Variants in ZNF473 observed in about 807,000 individuals in gnomAD.
ZNF473 encodes the protein zinc finger protein 473, also known as zinc finger protein 100 homolog.
Under a neutral mutation model 11.1 loss-of-function variants are expected in ZNF473, and 4 were observed. The observed-to-expected ratio is 0.36, with a 90% CI of 0.18 to 0.82. The LOEUF is 0.82. Among genes scored for constraint, ZNF473 ranks in the 40% least tolerant of loss-of-function variants. The pLI is 0.49. For missense variants in ZNF473, 854 were observed against 1,084.0 expected (o/e 0.79, Z 2.98); for synonymous variants, 404 against 390.4 (o/e 1.03, Z -0.41).
At position 50,046,952 on chromosome 19, in the gene ZNF473, A is replaced by G; in HGVS notation, c.2509A>G (p.Thr837Ala). ...AHLNQHLRVH[T>A]QETLYQCQRC... ...TCTCAACCAGCACCTGAGAGTTCACACCCAGGAGACACTTTATCAGTGTCA... is the reference window on the plus strand; with the variant it reads ...TCTCAACCAGCACCTGAGAGTTCACGCCCAGGAGACACTTTATCAGTGTCA... Residue 837 changes from threonine (T) to alanine (A), a missense_variant, in exon 5 of 5, where the codon ACC becomes GCC. Physicochemically the swap from Thr to Ala is moderately conservative, Grantham distance 58. This residue lies in a region of ZNF473 where 186 missense variants were observed against 293.8 expected (regional missense o/e 0.63). Coordinates refer to ENST00000270617, the MANE Select transcript of ZNF473 (RefSeq NM_015428.4). The surrounding 1 kb of genome is among the most constrained non-coding windows in gnomAD (Gnocchi z 5.9). 6.2e-7 allele frequency: 1 copy of G among 1,614,192 alleles called. No individual in the cohort carries two copies. Among genetic ancestry groups the G allele is most frequent in the Non-Finnish European group, 8.5e-7 (1 of 1,180,042 alleles).
Position 50,041,790 on chromosome 19 carries a change from C to T in ZNF473, c.197C>T (p.Ala66Val). The change falls in exon 4 of 5, where the codon GCA (alanine) becomes GTA (valine). Residue 66 changes from alanine (A) to valine (V), a missense_variant. Coordinates refer to ENST00000270617, the MANE Select transcript of ZNF473 (RefSeq NM_015428.4). ...GGCAGTGAAGATCTGGAGCCTCTGG[C>T]AGGAGGAAGCCCAGAAGCAACAAGC... Reference protein sequence around the residue: ...PDGSEDLEPLAGGSPEATSPD... With the variant: ...PDGSEDLEPLVGGSPEATSPD... The T allele has an allele frequency of 6.2e-7, 1 of 1,612,928 alleles. No homozygotes were observed. The highest frequency in any genetic ancestry group is 8.5e-7 in the Non-Finnish European group (1 of 1,179,492).
intron 1 of ZNF473, among the ~76,000 whole-genome samples, chr19:50,030,239 G>A (rs1274470230): frequency 6.6e-6 from 1 of 152,190 alleles, no homozygotes; most frequent in Non-Finnish European, 1.5e-5. Context: ...CAGGTGCGGT[G>A]GCTCACAACT....
chr19:50,045,836 G>C lies in ZNF473; in HGVS notation c.1393G>C (p.Val465Leu). ...GYRPHKCQECVRSFSRPSHLM... is the reference protein window; with the variant it reads ...GYRPHKCQECLRSFSRPSHLM... ...CAGACCCCACAAATGTCAGGAATGCGTCAGGAGTTTCAGCCGGCCCTCACA... is the reference window on the plus strand; with the variant it reads ...CAGACCCCACAAATGTCAGGAATGCCTCAGGAGTTTCAGCCGGCCCTCACA... The change falls in exon 5 of 5, where the codon GTC becomes CTC. Residue 465 changes from valine (V) to leucine (L), a missense_variant. Around this residue, in one of 2 missense-constraint regions of ZNF473, gnomAD observed 668 missense variants for 790.2 expected, o/e 0.85. Transcript: ENST00000270617. 6.2e-7 allele frequency: 1 copy of C among 1,614,052 alleles called. No individual in the cohort carries two copies. The highest frequency in any genetic ancestry group is 8.5e-7 in the Non-Finnish European group (1 of 1,179,986).
intron 4 of ZNF473, chr19:50,043,264 G>C (rs1978875928): frequency 2.6e-5 from 4 of 151,488 alleles, no homozygotes; most frequent in Admixed American, 2.0e-4. Flanking sequence ...CTGAAACTCT[G>C]TCTCTACTAA....
In ZNF473 at chr19:50,040,145, G is replaced by A. The variant is rs144285900; in HGVS notation, c.136+858G>A. Among the ~76,000 whole-genome samples the A allele has an allele frequency of 8.5e-5, 13 of 152,270 alleles. No individual in the cohort carries two copies. The East Asian group carries it at 2.5e-3, about 29-fold the overall frequency. ...GGACTCATCCTGTAGTCAGACTCAT[G>A]GCTATGACTTACTACAGTGAAAAGA... On this transcript the variant is annotated intron_variant, in intron 3 of 4. Transcript: ENST00000270617.
rs777117400 is a variant in ZNF473 at position 50,047,095 on chromosome 19, C to G, written c.*36C>G. 4 of 1,535,760 alleles carry G rather than the reference C, an allele frequency of 2.6e-6. No individual in the cohort carries two copies. In the Admixed American group the frequency reaches 5.5e-5, roughly 21 times the overall value. ...GCAGCAGAGTCCCAGAATATGAGAC[C>G]GTTACTCGGATGTTGAAAGTTGGAA... On this transcript the variant is annotated 3_prime_UTR_variant, in exon 5 of 5. Coordinates refer to ENST00000270617, the MANE Select transcript of ZNF473 (RefSeq NM_015428.4).
intron 2 of ZNF473, among the ~76,000 whole-genome samples, chr19:50,034,585 G>T (rs1267824781): frequency 6.6e-6 from 1 of 151,990 alleles, no homozygotes. Flanking sequence ...TGATTTTTAT[G>T]ATTACCACTT....
At chr19:50,027,992 T>C (rs2077296177) in intron 1 of ZNF473, among the ~76,000 whole-genome samples, 1 of 151,890 alleles carries the variant, frequency 6.6e-6, no homozygotes, top group African/African-American at 2.4e-5. Context: ...CCCAGCCGCT[T>C]TTTAAACTTA....
At position 50,046,279 on chromosome 19, in the gene ZNF473, C is replaced by A. The variant is rs546276850; in HGVS notation, c.1836C>A (p.Ile612=). The A allele has an allele frequency of 9.3e-6, 15 of 1,614,042 alleles. No homozygotes were observed. In the South Asian group the frequency reaches 9.9e-5, roughly 11 times the overall value. ...CTCGGCTCATTCACCATCAAAGAAT[C>A]CACTCTAGAGTGAGGCTGTATAAAT... ...QSTRLIHHQR[I]HSRVRLYKWG... is the part of the protein sequence containing the mutation. The change falls in exon 5 of 5, where the codon ATC becomes ATA. Residue 612 remains isoleucine (I), a synonymous_variant. Transcript: ENST00000270617. This position sits in a 1 kb window ranked among gnomAD's most constrained non-coding sequence, Gnocchi z 5.9.
chr19:50,026,075 C>G lies in ZNF473; in HGVS notation c.-239C>G, dbSNP rs1157276365. On this transcript the variant is annotated 5_prime_UTR_variant, in exon 1 of 5. Transcript: ENST00000270617. ...TGCGGGGAGTTGAATCTCCCGCTCC[C>G]TTGAGGCTGGGGTTGCGTCTGTTGA... is the stretch of plus-strand genomic sequence containing the variant. 1 of 152,686 alleles carries G rather than the reference C, an allele frequency of 6.5e-6. No homozygotes were observed. Among genetic ancestry groups the G allele is most frequent in the Non-Finnish European group, 1.5e-5 (1 of 68,074 alleles). The allele number at this position is 152,686 out of a possible 1,614,324, so 9.5% of individuals were successfully genotyped here.
chr19:50,036,058 G>A (rs1008306263), intron 2 of ZNF473, among the ~76,000 whole-genome samples: 1 of 151,810 alleles, frequency 6.6e-6, no homozygotes, highest in African/African-American at 2.4e-5. Flanking sequence ...CTGGGCTCAA[G>A]TGATCCTCCT....
Position 50,045,887 on chromosome 19 carries a change from A to G in ZNF473, c.1444A>G (p.Thr482Ala). The G allele has an allele frequency of 6.2e-7, 1 of 1,614,102 alleles. No homozygotes were observed. Among genetic ancestry groups the G allele is most frequent in the East Asian group, 2.2e-5 (1 of 44,874 alleles). The part of the protein sequence containing the change: ...SHLMRHQAIH[T>A]AEKPYSCAEC... ...TCTGATGCGACATCAGGCCATTCAC[A>G]CCGCAGAAAAGCCCTATAGCTGTGC... The change falls in exon 5 of 5, where the codon ACC (threonine) becomes GCC (alanine). Residue 482 changes from threonine (T) to alanine (A), a missense_variant. Coordinates refer to ENST00000270617, the MANE Select transcript of ZNF473 (RefSeq NM_015428.4).
chr19:50,043,450 T>G (rs7247307), intron 4 of ZNF473: 1 of 77,336 alleles, frequency 1.3e-5, no homozygotes, highest in African/African-American at 4.6e-5. Context: ...AAAAAAAAAA[T>G]ATATATATAT....
chr19:50,028,700 G>A (rs1263315193), intron 1 of ZNF473, among the ~76,000 whole-genome samples: 1 of 152,090 alleles, frequency 6.6e-6, no homozygotes, highest in Non-Finnish European at 1.5e-5. Context: ...ATCCTAGGAT[G>A]TTTCAGAAGT....
Position 50,039,397 on chromosome 19 carries a change from C to A in ZNF473, c.136+110C>A. On this transcript the variant is annotated intron_variant, in intron 3 of 4. Coordinates refer to ENST00000270617, the MANE Select transcript of ZNF473 (RefSeq NM_015428.4). The surrounding 1 kb of genome is among the most constrained non-coding windows in gnomAD (Gnocchi z 4.8). The stretch of plus-strand genomic sequence containing the variant: ...TGGCTCCTGGGCTCCTCAGAATCAG[C>A]ATGACCTAGCCCAGCAGTTCTCAGC... 7.0e-7 allele frequency: 1 copy of A among 1,419,948 alleles called. No individual in the cohort carries two copies. The highest frequency in any genetic ancestry group is 9.6e-7 in the Non-Finnish European group (1 of 1,039,854). The allele number at this position is 1,419,948 out of a possible 1,614,324, so 88.0% of individuals were successfully genotyped here. A position where few individuals can be genotyped will look rare whatever the true frequency, so the allele number is the denominator to read the frequency against.
In ZNF473 at chr19:50,045,166, G is replaced by T; in HGVS notation, c.723G>T (p.Glu241Asp). 6.2e-7 allele frequency: 1 copy of T among 1,614,234 alleles called. No individual in the cohort carries two copies. Among genetic ancestry groups the T allele is most frequent in the East Asian group, 2.2e-5 (1 of 44,884 alleles). ...GGGAGAAACCCACTGTCCATCAAGA[G>T]TGTGAGCAAGGTTTTGACCGGAATG... ...HTREKPTVHQ[E>D]CEQGFDRNAS... Residue 241 changes from glutamate to aspartate, a missense_variant, in exon 5 of 5, where the codon GAG becomes GAT. Glu to Asp is a conservative substitution (Grantham distance 45). Transcript: ENST00000270617.
intron 2 of ZNF473, among the ~76,000 whole-genome samples, chr19:50,038,921 A>G (rs1391260858): frequency 6.6e-6 from 1 of 152,246 alleles, no homozygotes; most frequent in Admixed American, 6.5e-5. Flanking sequence ...ACCTGGGTTC[A>G]GTCCCACCTG....
chr19:50,037,158 C>G (rs989982536), intron 2 of ZNF473, among the ~76,000 whole-genome samples: 1 of 152,072 alleles, frequency 6.6e-6, no homozygotes, highest in African/African-American at 2.4e-5. Context: ...GCCCCTTTGT[C>G]GAGCTCTTCC....
At chr19:50,038,204 A>T (rs1978575030) in intron 2 of ZNF473, among the ~76,000 whole-genome samples, 2 of 141,972 alleles carry the variant, frequency 1.4e-5, no homozygotes, top group Admixed American at 1.4e-4. Flanking sequence ...TTTATAAATT[A>T]TATATATAAT....
Sources: gnomAD v4.1 joint callset for allele counts (sites outside exome capture counted in the v4.1 genomes callset) on GRCh38, gnomAD v4.1.1 for gene constraint, gnomAD v4.1.1 regional missense constraint, Gnocchi (gnomAD v3.1) non-coding constraint, MANE v1.5 for transcripts, NCBI Gene and HGNC (gene_info 2026-07-23, HGNC 2026-07-21) for gene names.